The following GSN variants were observed in gnomAD, a reference collection of about 807,000 sequenced individuals.
GSN encodes the protein gelsolin.
A neutral mutation model predicts 85.7 loss-of-function variants in GSN; 56 were observed. The ratio of observed to expected loss-of-function variants is 0.65; its 90% CI spans 0.53 to 0.82. The LOEUF is 0.82. GSN is among the 40% of genes least tolerant of loss of function. The pLI is 0.00. For synonymous variants in GSN, 373 were observed against 399.1 expected (o/e 0.93, Z 0.78); for missense variants, 857 against 979.8 (o/e 0.87, Z 1.67).
intron 7 of GSN, 66 bp from the exon 8 acceptor site, chr9:121,317,020 T>A (rs959787697): frequency 3.1e-6 from 5 of 1,608,782 alleles, no homozygotes; most frequent in Non-Finnish European, 4.2e-6. Context: ...GGCAAGATGG[T>A]GGAAGTCTCA....
At chr9:121,323,284 A>C (rs79675160) in intron 11 of GSN, among the ~76,000 whole-genome samples, 2,903 of 152,060 alleles carry the variant, frequency 0.019, 49 homozygotes, top group Middle Eastern at 0.051. Context: ...CCATAGCACA[A>C]TTAACAAAGC....
rs1409351649 is a variant in GSN, at chr9:121,302,111, T to A, written c.140T>A (p.Leu47Gln). Residue 47 changes from leucine to glutamine, a missense_variant, in exon 3 of 18, where the codon CTG becomes CAG. Transcript: ENST00000432226. ...TTCACGGGCGACGCCTACGTCATCC[T>A]GAAGACAGTGCAGCTGAGGAACGGA... is the stretch of plus-strand genomic sequence containing the variant. ...DFFTGDAYVI[L>Q]KTVQLRNGNL... The A allele has an allele frequency of 1.2e-6, 2 of 1,614,214 alleles. 1 individual carries two copies. The highest frequency in any genetic ancestry group is 2.2e-5 in the South Asian group (2 of 91,090).
chr9:121,299,796 C>T lies in GSN; in HGVS notation c.-9-2167C>T, dbSNP rs960720730. ...CCCCGGCTTGGGCGGGATGGGCGGG[C>T]GGCTACTTAAGGTCGGCGACCCGAG... On this transcript the variant is annotated intron_variant, in intron 2 of 17. Transcript: ENST00000432226. This position sits in a 1 kb window ranked among gnomAD's most constrained non-coding sequence, Gnocchi z 4.2. The T allele has an allele frequency of 3.0e-5, 38 of 1,254,506 alleles. No homozygotes were observed. Among genetic ancestry groups the T allele is most frequent in the Middle Eastern group, 3.2e-4 (1 of 3,104 alleles). The allele number at this position is 1,254,506 out of a possible 1,614,324, so 77.7% of individuals were successfully genotyped here.
intron 5 of GSN, chr9:121,239,413 G>A: frequency 2.4e-6 from 1 of 425,138 alleles, no homozygotes; most frequent in Non-Finnish European, 4.6e-6. Flanking sequence ...GAAGAACCAG[G>A]CAGTTTCCAT....
chr9:121,326,571 C>G lies in GSN; in HGVS notation c.1476C>G (p.Pro492=), dbSNP rs2063196662. The G allele has an allele frequency of 3.7e-6, 6 of 1,613,998 alleles. No individual in the cohort carries two copies. The highest frequency in any genetic ancestry group is 4.2e-6 in the Non-Finnish European group (5 of 1,179,998). The change falls in exon 13 of 18, where the codon CCC becomes CCG. Residue 492 remains proline (P), a synonymous_variant. Transcript: ENST00000432226. ...TCATGAGCCTGTTTGGTGGGAAGCC[C>G]ATGATCATCTACAAGGGCGGCACCT... The part of the protein sequence containing the change: ...AHLMSLFGGK[P]MIIYKGGTSR...
chr9:121,249,690 A>G (rs1351770143), intron 6 of GSN, among the ~76,000 whole-genome samples: 1 of 152,042 alleles, frequency 6.6e-6, no homozygotes, highest in African/African-American at 2.4e-5. Flanking sequence ...CTGGTGTCTG[A>G]TTCCTCAATA....
In GSN at chr9:121,219,860, A is replaced by G. The variant is rs114620710; in HGVS notation, c.-528+8993A>G. On this transcript the variant is annotated intron_variant, in intron 4 of 24. Coordinates refer to the GSN transcript ENST00000373823. Reference sequence around the variant, plus strand: ...GACTGTCTCTCTCTTAAGTATACCTACACTCCCCTTTCTTTTTTCTTTTCT... The same window carrying G: ...GACTGTCTCTCTCTTAAGTATACCTGCACTCCCCTTTCTTTTTTCTTTTCT... 5.1e-3 allele frequency among the ~76,000 whole-genome samples: 766 copies of G among 151,452 alleles called. 11 individuals are homozygous for G. The highest frequency in any genetic ancestry group is 0.018 in the African/African-American group (732 of 41,320).
chr9:121,273,790 A>G (rs1383102758), intron 1 of GSN, among the ~76,000 whole-genome samples: 1 of 152,192 alleles, frequency 6.6e-6, no homozygotes, highest in African/African-American at 2.4e-5. Flanking sequence ...TGTTTATTCT[A>G]ATTTAAATCT....
At chr9:121,220,125 C>T (rs2054142268) in intron 4 of GSN, among the ~76,000 whole-genome samples, 1 of 152,194 alleles carries the variant, frequency 6.6e-6, no homozygotes, top group Non-Finnish European at 1.5e-5. Flanking sequence ...CCAGGTGATC[C>T]GCCCACCTCA....
chr9:121,243,887 G>C (rs545754400), intron 5 of GSN, among the ~76,000 whole-genome samples: 1 of 152,130 alleles, frequency 6.6e-6, no homozygotes, highest in Non-Finnish European at 1.5e-5. Context: ...CATATTTTTA[G>C]TGCACAATTG....
chr9:121,321,969 C>T (rs2062526752), intron 11 of GSN, among the ~76,000 whole-genome samples: 1 of 152,122 alleles, frequency 6.6e-6, no homozygotes, highest in Non-Finnish European at 1.5e-5. Context: ...TCTCGAACTC[C>T]TGACCTCAGA....
At chr9:121,322,923 C>A (rs57798514) in intron 11 of GSN, among the ~76,000 whole-genome samples, 1 of 151,954 alleles carries the variant, frequency 6.6e-6, no homozygotes, top group South Asian at 2.1e-4. Flanking sequence ...CTCTGCCCCC[C>A]GGGGCTCAAG....
chr9:121,282,350 C>T (rs1588692805), intron 2 of GSN: 2 of 619,008 alleles, frequency 3.2e-6, no homozygotes, highest in Non-Finnish European at 2.6e-6. Context: ...GCTTCCAACA[C>T]CCAAACAGAA....
intron 4 of GSN, among the ~76,000 whole-genome samples, chr9:121,221,960 G>T (rs2132113452): frequency 6.6e-6 from 1 of 152,294 alleles, no homozygotes; most frequent in East Asian, 1.9e-4. Context: ...GGTCTCCTTA[G>T]ATAAATAACC....
intron 2 of GSN, among the ~76,000 whole-genome samples, chr9:121,292,046 G>A (rs1035871066): frequency 2.2e-4 from 33 of 152,162 alleles, no homozygotes; most frequent in African/African-American, 8.0e-4. Flanking sequence ...ACTGGTGCAT[G>A]TCATCACGCC....
upstream of GSN, chr9:121,268,125 C>T (rs2055317724): frequency 6.6e-6 from 1 of 151,756 alleles, no homozygotes; most frequent in South Asian, 1.9e-4. Flanking sequence ...CTGCCCACCC[C>T]GGCCGCGCGC....
chr9:121,287,865 G>C (rs2058306814), intron 2 of GSN, among the ~76,000 whole-genome samples: 1 of 151,990 alleles, frequency 6.6e-6, no homozygotes, highest in African/African-American at 2.4e-5. Context: ...ATCCCCAAAA[G>C]GATCCCTCAT....
intron 2 of GSN, among the ~76,000 whole-genome samples, chr9:121,287,101 C>T (rs1331403349): frequency 6.6e-6 from 1 of 151,986 alleles, no homozygotes; most frequent in African/African-American, 2.4e-5. Flanking sequence ...TGTTCTCCCT[C>T]CCCTCCCTCT....
chr9:121,273,227 C>T (rs2056227560), intron 1 of GSN, among the ~76,000 whole-genome samples: 1 of 152,154 alleles, frequency 6.6e-6, no homozygotes, highest in Non-Finnish European at 1.5e-5. Flanking sequence ...GCAAACAGTC[C>T]TGTTATTTTC....
Sources: gnomAD v4.1 joint callset for allele counts (sites outside exome capture counted in the v4.1 genomes callset) on GRCh38, gnomAD v4.1.1 for gene constraint, Gnocchi (gnomAD v3.1) non-coding constraint, MANE v1.5 for transcripts, NCBI Gene and HGNC (gene_info 2026-07-23, HGNC 2026-07-21) for gene names.